The following NPR2 variants were observed in gnomAD, a reference collection of about 807,000 sequenced individuals.
The protein encoded by NPR2 is atrial natriuretic peptide receptor 2.
Under a neutral mutation model 120.7 loss-of-function variants are expected in NPR2, and 49 were observed. The observed-to-expected ratio is 0.41, with a 90% CI of 0.32 to 0.52. The LOEUF is 0.52. Among genes scored for constraint, NPR2 ranks in the 20% least tolerant of loss-of-function variants. The probability of loss-of-function intolerance (pLI) is 0.36; values close to 1 mark genes in which losing one functional copy is unlikely to be tolerated. For synonymous variants in NPR2, 484 were observed against 519.8 expected, an observed-to-expected ratio of 0.93 and a Z score of 0.94; for missense variants, 931 against 1,362.9, an observed-to-expected ratio of 0.68 and a Z score of 4.99.
rs1445342403 is a variant in NPR2, at chr9:35,799,695, C to A, written c.951C>A (p.Ala317=). 1.9e-6 allele frequency: 3 copies of A among 1,613,958 alleles called. No individual in the cohort carries two copies. The highest frequency in any genetic ancestry group is 2.5e-6 in the Non-Finnish European group (3 of 1,179,994). Residue 317 remains alanine, a synonymous_variant, in exon 3 of 22, where the codon GCC becomes GCA. Coordinates refer to ENST00000342694, the MANE Select transcript of NPR2 (RefSeq NM_003995.4). ...QEFQNRLLIR[A]REDFGVELGP... is the part of the protein sequence containing the mutation. ...TCCAGAATCGTCTGCTGATAAGAGC[C>A]CGGGAAGACTTTGGTGTGGAGCTGG...
Position 35,802,634 on chromosome 9 carries a change from G to A in NPR2, c.1815+27G>A, listed in dbSNP as rs1302714920. On this transcript the variant is annotated intron_variant, in intron 11 of 21. Transcript: ENST00000342694. This position sits in a 1 kb window ranked among gnomAD's most constrained non-coding sequence, Gnocchi z 4.2. ...TGAGGGATAGGTGTAGGAGATTATG[G>A]CAGGGGTGGGAAGGATAGACCCAAA... 6.7e-7 allele frequency: 1 copy of A among 1,496,736 alleles called. No homozygotes were observed. Among genetic ancestry groups the A allele is most frequent in the South Asian group, 1.1e-5 (1 of 88,766 alleles). 92.7% of individuals were successfully genotyped at this position (1,496,736 alleles called of 1,614,324 possible). A position where few individuals can be genotyped will look rare whatever the true frequency, so the allele number is the denominator to read the frequency against.
rs1194038716 is a variant in NPR2 at position 35,800,663 on chromosome 9, G to A, written c.1219-46G>A. The stretch of plus-strand genomic sequence containing the variant: ...GAAACAGCTGGGGTCTGGGGAGGAG[G>A]CTGGTGGGAGCAGGCCTGTGGGCCC... On this transcript the variant is annotated intron_variant, in intron 5 of 21. Coordinates refer to ENST00000342694, the MANE Select transcript of NPR2 (RefSeq NM_003995.4). The surrounding 1 kb of genome is among the most constrained non-coding windows in gnomAD (Gnocchi z 4.7). The A allele has an allele frequency of 1.9e-6, 3 of 1,613,868 alleles. No homozygotes were observed. The highest frequency in any genetic ancestry group is 3.3e-5 in the Admixed American group (2 of 60,030).
intron 2 of NPR2, among the ~76,000 whole-genome samples, chr9:35,798,117 A>C (rs1828001566): frequency 6.6e-6 from 1 of 152,270 alleles, no homozygotes; most frequent in Non-Finnish European, 1.5e-5. Context: ...AAAGTTTGAT[A>C]ACTGCTAGCC....
intron 8 of NPR2, 77 bp downstream of exon 8, chr9:35,801,840 A>G: frequency 6.2e-7 from 1 of 1,608,958 alleles, no homozygotes; most frequent in Non-Finnish European, 8.5e-7. Flanking sequence ...CTCCCAGCAC[A>G]TTGGCTTGTA....
Position 35,802,073 on chromosome 9 carries a change from T to C in NPR2, c.1632+73T>C. The C allele has an allele frequency of 6.8e-7, 1 of 1,465,998 alleles. No homozygotes were observed. Among genetic ancestry groups the C allele is most frequent in the Non-Finnish European group, 9.6e-7 (1 of 1,044,796 alleles). The allele number at this position is 1,465,998 out of a possible 1,614,324, so 90.8% of individuals were successfully genotyped here. ...CATCCCCATCTGCCACCTCTGCCCC[T>C]GAACCTCTGTCCCTCATACCCGACT... On this transcript the variant is annotated intron_variant, in intron 9 of 21. Coordinates refer to ENST00000342694, the MANE Select transcript of NPR2 (RefSeq NM_003995.4). This position sits in a 1 kb window ranked among gnomAD's most constrained non-coding sequence, Gnocchi z 4.2.
At position 35,802,132 on chromosome 9, in the gene NPR2, C is replaced by T; in HGVS notation, c.1633-74C>T. On this transcript the variant is annotated intron_variant, in intron 9 of 21. Coordinates refer to ENST00000342694, the MANE Select transcript of NPR2 (RefSeq NM_003995.4). This position sits in a 1 kb window ranked among gnomAD's most constrained non-coding sequence, Gnocchi z 4.2. ...CCAGCTGAGCTCCTGGGTGCTTCCA[C>T]TGCTCTCTAGCATTTCCTTGTACCC... 1.5e-6 allele frequency: 2 copies of T among 1,310,810 alleles called. No individual in the cohort carries two copies. The highest frequency in any genetic ancestry group is 1.4e-5 in the African/African-American group (1 of 69,036). 81.2% of individuals were successfully genotyped at this position (1,310,810 alleles called of 1,614,324 possible). A position where few individuals can be genotyped will look rare whatever the true frequency, so the allele number is the denominator to read the frequency against.
chr9:35,806,007 A>C lies in NPR2; in HGVS notation c.2203+22A>C. 1 of 1,614,188 alleles carries C rather than the reference A, an allele frequency of 6.2e-7. No homozygotes were observed. The highest frequency in any genetic ancestry group is 1.1e-5 in the South Asian group (1 of 91,078). The stretch of plus-strand genomic sequence containing the variant: ...AAAGGTAAGAGTCAATCCACTACCC[A>C]CAGCCTCTTCTTCCTGGGGGAACTC... On this transcript the variant is annotated intron_variant, in intron 14 of 21. Transcript: ENST00000342694. This position sits in a 1 kb window ranked among gnomAD's most constrained non-coding sequence, Gnocchi z 4.6.
Position 35,805,567 on chromosome 9 carries a change from C to T in NPR2, c.1944C>T (p.Ser648=), listed in dbSNP as rs1469724258. ...CATCGCATGGGAGTCTCAAGTCCTC[C>T]AACTGTGTGGTGGATAGTCGTTTTG... is the stretch of plus-strand genomic sequence containing the variant. ...IISSHGSLKS[S]NCVVDSRFVL... is the part of the protein sequence containing the mutation. The change falls in exon 13 of 22, where the codon TCC becomes TCT. Residue 648 remains serine (S), a synonymous_variant. Coordinates refer to ENST00000342694, the MANE Select transcript of NPR2 (RefSeq NM_003995.4). This position sits in a 1 kb window ranked among gnomAD's most constrained non-coding sequence, Gnocchi z 4.9. The T allele has an allele frequency of 6.2e-7, 1 of 1,614,108 alleles. No homozygotes were observed. The highest frequency in any genetic ancestry group is 1.7e-4 in the Middle Eastern group (1 of 6,054).
intron 7 of NPR2, 103 bp from the exon 8 acceptor site, chr9:35,801,540 G>C: frequency 8.2e-7 from 1 of 1,218,658 alleles, no homozygotes; most frequent in Non-Finnish European, 1.2e-6. Context: ...AGGTGTAACA[G>C]TTGCAGCTTC....
At chr9:35,807,464 C>T in intron 18 of NPR2, 66 bp downstream of exon 18, 1 of 1,278,808 alleles carries the variant, frequency 7.8e-7, no homozygotes, top group Non-Finnish European at 1.1e-6. Context: ...AACTCAGTCT[C>T]CCTGAACCCC....
Position 35,808,506 on chromosome 9 carries a change from C to G in NPR2, c.2713-3C>G. On this transcript the variant is annotated splice_polypyrimidine_tract_variant and splice_region_variant and intron_variant, in intron 18 of 21. Transcript: ENST00000342694. This position sits in a 1 kb window ranked among gnomAD's most constrained non-coding sequence, Gnocchi z 4.0. ...GTGACCTTTTAATCCCCCTCTCAAT[C>G]AGGTGGAGACGATTGGGGATGCTTA... 1 of 1,613,940 alleles carries G rather than the reference C, an allele frequency of 6.2e-7. No individual in the cohort carries two copies. The highest frequency in any genetic ancestry group is 8.5e-7 in the Non-Finnish European group (1 of 1,179,946).
Position 35,809,485 on chromosome 9 carries a change from G to T in NPR2, c.*40G>T. The T allele has an allele frequency of 6.2e-7, 1 of 1,614,044 alleles. No individual in the cohort carries two copies. The highest frequency in any genetic ancestry group is 8.5e-7 in the Non-Finnish European group (1 of 1,179,994). ...CAAGTCAGATAGTCTTCTGCTGCTG[G>T]TACCTGGGTGGGCAATGGCCACCAT... On this transcript the variant is annotated 3_prime_UTR_variant, in exon 22 of 22. Coordinates refer to ENST00000342694, the MANE Select transcript of NPR2 (RefSeq NM_003995.4). This position sits in a 1 kb window ranked among gnomAD's most constrained non-coding sequence, Gnocchi z 4.1.
In NPR2 at chr9:35,809,548, T is replaced by C. The variant is rs753336898; in HGVS notation, c.*103T>C. 1 of 1,592,280 alleles carries C rather than the reference T, an allele frequency of 6.3e-7. No individual in the cohort carries two copies. Among genetic ancestry groups the C allele is most frequent in the Admixed American group, 1.7e-5 (1 of 59,984 alleles). ...CAGAAATGGACATTTTCATATGCAA[T>C]GGAAAACAGCCACAAAAAAACCTAC... On this transcript the variant is annotated 3_prime_UTR_variant, in exon 22 of 22. Coordinates refer to ENST00000342694, the MANE Select transcript of NPR2 (RefSeq NM_003995.4). This position sits in a 1 kb window ranked among gnomAD's most constrained non-coding sequence, Gnocchi z 4.1.
In NPR2 at chr9:35,802,830, T is replaced by C; in HGVS notation, c.1887+27T>C. 4.8e-6 allele frequency: 7 copies of C among 1,449,996 alleles called. No individual in the cohort carries two copies. The highest frequency in any genetic ancestry group is 5.8e-6 in the Non-Finnish European group (6 of 1,031,388). 89.8% of individuals were successfully genotyped at this position (1,449,996 alleles called of 1,614,324 possible). A position where few individuals can be genotyped will look rare whatever the true frequency, so the allele number is the denominator to read the frequency against. On this transcript the variant is annotated intron_variant, in intron 12 of 21. Transcript: ENST00000342694. The surrounding 1 kb of genome is among the most constrained non-coding windows in gnomAD (Gnocchi z 4.2). ...TGAGTCTTCCCCACTCCTTAAAAGT[T>C]CATCCACTTTAAATCACTTCCACTG... is the stretch of plus-strand genomic sequence containing the variant.
At position 35,809,459 on chromosome 9, in the gene NPR2, C is replaced by T. The variant is rs1828639879; in HGVS notation, c.*14C>T. On this transcript the variant is annotated 3_prime_UTR_variant, in exon 22 of 22. Transcript: ENST00000342694. This position sits in a 1 kb window ranked among gnomAD's most constrained non-coding sequence, Gnocchi z 4.1. ...GGACTCCTGTAAACCCCCATTCTTT[C>T]CAAGTCAGATAGTCTTCTGCTGCTG... 1 of 1,614,168 alleles carries T rather than the reference C, an allele frequency of 6.2e-7. No individual in the cohort carries two copies. Among genetic ancestry groups the T allele is most frequent in the South Asian group, 1.1e-5 (1 of 91,080 alleles).
Position 35,800,991 on chromosome 9 carries a change from T to TCTATGCAC in NPR2, c.1352-69_1352-62dup. ...TTTCTTCCTACTCCCAAGGAGTCTG[T>TCTATGCAC]CTATGCACCTATGCACCCCGTTCTC... is the stretch of plus-strand genomic sequence containing the variant. On this transcript the variant is annotated intron_variant, in intron 6 of 21. Coordinates refer to ENST00000342694, the MANE Select transcript of NPR2 (RefSeq NM_003995.4). This position sits in a 1 kb window ranked among gnomAD's most constrained non-coding sequence, Gnocchi z 4.7. 1 of 1,515,852 alleles carries TCTATGCAC rather than the reference T, an allele frequency of 6.6e-7. No individual in the cohort carries two copies. The highest frequency in any genetic ancestry group is 9.2e-7 in the Non-Finnish European group (1 of 1,090,382). The allele number at this position is 1,515,852 out of a possible 1,614,324, so 93.9% of individuals were successfully genotyped here. A position where few individuals can be genotyped will look rare whatever the true frequency, so the allele number is the denominator to read the frequency against.
intron 3 of NPR2, 107 bp downstream of exon 3, chr9:35,799,838 G>T: frequency 7.3e-7 from 1 of 1,361,596 alleles, no homozygotes; most frequent in Non-Finnish European, 1.0e-6. Flanking sequence ...AACTTTGGGG[G>T]GTCTCCGCTT....
rs776156793 is a variant in NPR2 at position 35,806,411 on chromosome 9, T to C, written c.2392T>C (p.Leu798=). The change falls in exon 16 of 22, where the codon TTG becomes CTG. Residue 798 remains leucine (L), a synonymous_variant. Coordinates refer to ENST00000342694, the MANE Select transcript of NPR2 (RefSeq NM_003995.4). This position sits in a 1 kb window ranked among gnomAD's most constrained non-coding sequence, Gnocchi z 4.6. ...RFNKEGGTSI[L]DNLLLRMEQY... is the part of the protein sequence containing the mutation. ...CTCTAGGGAGGGTGGCACCAGCATA[T>C]TGGACAACCTCCTGCTGCGCATGGA... 9 of 1,614,012 alleles carry C rather than the reference T, an allele frequency of 5.6e-6. No homozygotes were observed. The Admixed American group carries it at 1.3e-4, about 24-fold the overall frequency.
rs549273614 is a variant in NPR2 at position 35,801,146 on chromosome 9, A to T, written c.1428A>T (p.Leu476=). Residue 476 remains leucine (L), a synonymous_variant, in exon 7 of 22, where the codon CTA becomes CTT. Coordinates refer to ENST00000342694, the MANE Select transcript of NPR2 (RefSeq NM_003995.4). ...TCATGTTTGGTGTTTCCAGCTTCCT[A>T]ATTTTCCGGTGAGTTCTGGGTTTCT... ...TFIMFGVSSF[L]IFRKLMLEKE... is the part of the protein sequence containing the mutation. The T allele has an allele frequency of 6.2e-7, 1 of 1,613,254 alleles. No individual in the cohort carries two copies. The highest frequency in any genetic ancestry group is 8.5e-7 in the Non-Finnish European group (1 of 1,179,344).
Sources: gnomAD v4.1 joint callset for allele counts (sites outside exome capture counted in the v4.1 genomes callset) on GRCh38, gnomAD v4.1.1 for gene constraint, Gnocchi (gnomAD v3.1) non-coding constraint, MANE v1.5 for transcripts, NCBI Gene and HGNC (gene_info 2026-07-23, HGNC 2026-07-21) for gene names.